Variants in GATAD2B observed in about 807,000 individuals in gnomAD.
GATAD2B encodes GATA zinc finger domain containing 2B.
GATAD2B carries 8 observed loss-of-function variants against 64.3 expected under a neutral mutation model. That is an observed-to-expected ratio of 0.12 (90% CI 0.07 to 0.22). The LOEUF (loss-of-function observed/expected upper bound fraction) is 0.22, where lower values mean the gene tolerates loss of function less well. Among genes scored for constraint, GATAD2B ranks in the 10% least tolerant of loss-of-function variants. GATAD2B has a pLI of 1.00. For missense variants in GATAD2B, 453 were observed against 752.0 expected (o/e 0.60, Z 4.65); for synonymous variants, 281 against 271.3 (o/e 1.04, Z -0.35).
chr1:153,836,282 T>A (rs566883086), intron 1 of GATAD2B, among the ~76,000 whole-genome samples: 1,805 of 149,410 alleles, frequency 0.012, 45 homozygotes, highest in African/African-American at 0.043. Flanking sequence ...TTTTTTTTTT[T>A]AGACAGTCTG....
intron 1 of GATAD2B, among the ~76,000 whole-genome samples, chr1:153,908,835 C>T (rs943601874): frequency 1.8e-4 from 27 of 151,342 alleles, no homozygotes; most frequent in African/African-American, 6.1e-4. Flanking sequence ...TGTGTTTTAT[C>T]CCCAAGGCTG....
At chr1:153,868,676 T>A (rs537890298) in intron 1 of GATAD2B, among the ~76,000 whole-genome samples, 1 of 152,098 alleles carries the variant, frequency 6.6e-6, no homozygotes, top group Non-Finnish European at 1.5e-5. Flanking sequence ...TAGTGTTTAT[T>A]AACTACTCTA....
At chr1:153,839,936 T>G (rs960118979) in intron 1 of GATAD2B, among the ~76,000 whole-genome samples, 1 of 151,894 alleles carries the variant, frequency 6.6e-6, no homozygotes, top group African/African-American at 2.4e-5. Context: ...ATCATGCCAT[T>G]GCACCCTAGA....
At chr1:153,922,579 T>A (rs1201832475) in intron 1 of GATAD2B, among the ~76,000 whole-genome samples, 154 bp downstream of exon 1, 1 of 143,478 alleles carries the variant, frequency 7.0e-6, no homozygotes, top group African/African-American at 2.6e-5. Flanking sequence ...CGGGCGGGCG[T>A]CGGCTCGCGG....
chr1:153,853,324 G>A (rs1391166523), intron 1 of GATAD2B: 1 of 771,874 alleles, frequency 1.3e-6, no homozygotes, highest in Admixed American at 1.8e-5. Context: ...ATGGGCTGAG[G>A]ACATGGGGTC....
intron 1 of GATAD2B, among the ~76,000 whole-genome samples, chr1:153,828,928 G>A (rs907443463): frequency 1.3e-5 from 2 of 151,980 alleles, no homozygotes; most frequent in East Asian, 1.9e-4. Context: ...AATGTAGGCC[G>A]GACATGGTGG....
intron 1 of GATAD2B, among the ~76,000 whole-genome samples, chr1:153,851,239 T>C (rs1410418472): frequency 6.6e-6 from 1 of 152,252 alleles, no homozygotes; most frequent in Non-Finnish European, 1.5e-5. Flanking sequence ...CTTAGCATAA[T>C]GTCCTCAAGC....
rs1022765611 is a variant in GATAD2B at position 153,813,418 on chromosome 1, G to C, written c.1251C>G (p.Pro417=). The change falls in exon 8 of 11, where the codon CCC becomes CCG. Residue 417 remains proline, a synonymous_variant. Transcript: ENST00000368655. ...CTGTGCGGCACTGGGCACATACAAA[G>C]GGTTCAACCCGCAGAAGTGAGGCAC... is the stretch of plus-strand genomic sequence containing the variant. The part of the protein sequence containing the change: ...KSCASLLRVE[P]FVCAQCRTDF... 1.2e-6 allele frequency: 2 copies of C among 1,613,936 alleles called. No homozygotes were observed. The highest frequency in any genetic ancestry group is 2.7e-5 in the African/African-American group (2 of 74,882).
At position 153,816,334 on chromosome 1, in the gene GATAD2B, A is replaced by G. The variant is rs779634359; in HGVS notation, c.1155T>C (p.Asn385=). 1.9e-6 allele frequency: 3 copies of G among 1,613,840 alleles called. No individual in the cohort carries two copies. Among genetic ancestry groups the G allele is most frequent in the South Asian group, 1.1e-5 (1 of 91,078 alleles). The part of the protein sequence containing the change: ...PLLHFLPSAA[N]SEFIYMVGLE... ...AGCCTACCATGTAGATGAACTCGCT[A>G]TTGGCTGCACTAGGCAAGAAATGAA... The change falls in exon 7 of 11, where the codon AAT becomes AAC. Residue 385 remains asparagine (N), a synonymous_variant. Coordinates refer to ENST00000368655, the MANE Select transcript of GATAD2B (RefSeq NM_020699.4). The surrounding 1 kb of genome is among the most constrained non-coding windows in gnomAD (Gnocchi z 4.9).
chr1:153,872,443 A>G (rs1463122978), intron 1 of GATAD2B, among the ~76,000 whole-genome samples: 1 of 151,266 alleles, frequency 6.6e-6, no homozygotes, highest in African/African-American at 2.4e-5. Context: ...TTATACTTTG[A>G]GTGGATCTCT....
rs368264266 is a variant in GATAD2B at position 153,813,399 on chromosome 1, G to C, written c.1270C>G (p.Arg424Gly). 6.2e-7 allele frequency: 1 copy of C among 1,613,938 alleles called. No individual in the cohort carries two copies. The highest frequency in any genetic ancestry group is 8.5e-7 in the Non-Finnish European group (1 of 1,179,896). Residue 424 changes from arginine to glycine, a missense_variant, in exon 8 of 11, where the codon CGC (arginine) becomes GGC (glycine). By Grantham distance (125) the Arg-to-Gly change is moderately radical. Around this residue, in one of 2 missense-constraint regions of GATAD2B, gnomAD observed 160 missense variants for 334.7 expected, o/e 0.48. Coordinates refer to ENST00000368655, the MANE Select transcript of GATAD2B (RefSeq NM_020699.4). The stretch of plus-strand genomic sequence containing the variant: ...TTCCAGTGAGGGGTGAAATCTGTGC[G>C]GCACTGGGCACATACAAAGGGTTCA... ...RVEPFVCAQC[R>G]TDFTPHWKQE...
chr1:153,806,234 G>GC lies in GATAD2B; in HGVS notation c.*3942dup, dbSNP rs1406826674. Reference sequence around the variant, plus strand: ...TGCCCCATTCCTCGGCTACCTCCCAGCCCCCAGCACTTCCCCACAGTATCA... The same window carrying GC: ...TGCCCCATTCCTCGGCTACCTCCCAGCCCCCCAGCACTTCCCCACAGTATCA... On this transcript the variant is annotated 3_prime_UTR_variant, in exon 11 of 11. Transcript: ENST00000368655. 9 of 152,324 alleles carry GC rather than the reference G, an allele frequency of 5.9e-5. 1 individual carries two copies. The highest frequency in any genetic ancestry group is 2.2e-4 in the African/African-American group (9 of 41,572). The allele number at this position is 152,324 out of a possible 1,614,324, so 9.4% of individuals were successfully genotyped here.
intron 1 of GATAD2B, among the ~76,000 whole-genome samples, chr1:153,860,843 G>T (rs1676255374): frequency 6.6e-6 from 1 of 152,098 alleles, no homozygotes. Context: ...GGTAGAGACA[G>T]GTCTTGCTAT....
Position 153,830,665 on chromosome 1 carries a change from CG to C in GATAD2B, c.-1-2318del, listed in dbSNP as rs377714350. ...TAATTTTTTGTATTTTTAGTAGAGA[CG>C]GGGTTTCACTGTTTTAGCCGGGATG... On this transcript the variant is annotated intron_variant, in intron 1 of 10. Coordinates refer to ENST00000368655, the MANE Select transcript of GATAD2B (RefSeq NM_020699.4). Among the ~76,000 whole-genome samples, 128 of 150,434 alleles carry C rather than the reference CG, an allele frequency of 8.5e-4. 1 individual carries two copies. Among genetic ancestry groups the C allele is most frequent in the African/African-American group, 3.1e-3 (127 of 41,006 alleles).
chr1:153,898,418 G>A (rs936832483), intron 1 of GATAD2B, among the ~76,000 whole-genome samples: 3 of 151,992 alleles, frequency 2.0e-5, no homozygotes, highest in Admixed American at 6.6e-5. Context: ...TATAGCTCTG[G>A]CAGGTATTTA....
chr1:153,922,510 C>A (rs1326517931), intron 1 of GATAD2B, among the ~76,000 whole-genome samples: 2 of 122,852 alleles, frequency 1.6e-5, no homozygotes, highest in Non-Finnish European at 3.3e-5. Flanking sequence ...GAAGAAGGAG[C>A]GCGAGGCGGG....
intron 1 of GATAD2B, among the ~76,000 whole-genome samples, chr1:153,848,059 C>T (rs1329197361): frequency 1.3e-5 from 2 of 152,154 alleles, no homozygotes; most frequent in African/African-American, 4.8e-5. Context: ...TTAATAAATT[C>T]CCCAGTTAGT....
At chr1:153,836,659 G>A (rs915267610) in intron 1 of GATAD2B, among the ~76,000 whole-genome samples, 17 of 151,966 alleles carry the variant, frequency 1.1e-4, no homozygotes, top group Non-Finnish European at 1.6e-4. Flanking sequence ...TCCAGCCTGG[G>A]TGACAGAGCA....
intron 1 of GATAD2B, among the ~76,000 whole-genome samples, chr1:153,830,601 A>G (rs1261178896): frequency 6.9e-6 from 1 of 145,868 alleles, no homozygotes; most frequent in African/African-American, 2.5e-5. Flanking sequence ...TCAGCCTCCC[A>G]AGTAGCTGGG....
Sources: allele counts gnomAD v4.1 joint callset (sites outside exome capture counted in the v4.1 genomes callset), GRCh38; gene constraint gnomAD v4.1.1; regional missense constraint gnomAD v4.1.1; non-coding constraint Gnocchi (gnomAD v3.1); transcripts MANE v1.5; gene names NCBI Gene and HGNC (gene_info 2026-07-23, HGNC 2026-07-21).